The following RTN4RL1 variants were observed in gnomAD, a reference collection of about 807,000 sequenced individuals.
RTN4RL1 encodes reticulon-4 receptor-like 1.
A neutral mutation model predicts 25.6 loss-of-function variants in RTN4RL1; 7 were observed. That is an observed-to-expected ratio of 0.27 (90% CI 0.16 to 0.51). RTN4RL1 has a LOEUF of 0.51. RTN4RL1 is among the 20% of genes least tolerant of loss of function. The pLI is 0.97. For synonymous variants in RTN4RL1, 297 were observed against 288.2 expected, an observed-to-expected ratio of 1.03 and a Z score of -0.31; for missense variants, 500 against 615.6, an observed-to-expected ratio of 0.81 and a Z score of 1.99.
At chr17:1,941,511 G>A (rs1915436300) in intron 1 of RTN4RL1, among the ~76,000 whole-genome samples, 1 of 152,130 alleles carries the variant, frequency 6.6e-6, no homozygotes, top group South Asian at 2.1e-4. Flanking sequence ...GGGGCCTGGG[G>A]CGGGGGCCGG....
chr17:1,992,867 TCACC>T (rs2066915284), intron 1 of RTN4RL1, among the ~76,000 whole-genome samples: 1 of 152,220 alleles, frequency 6.6e-6, no homozygotes, highest in Admixed American at 6.5e-5. Flanking sequence ...AGTCAGCATT[TCACC>T]CTGACACATG....
chr17:1,964,205 A>C (rs773776745), intron 1 of RTN4RL1, among the ~76,000 whole-genome samples: 2 of 152,232 alleles, frequency 1.3e-5, no homozygotes, highest in Non-Finnish European at 2.9e-5. Flanking sequence ...ACTTAGTAAG[A>C]AAAAGAATAA....
chr17:1,956,539 C>T (rs965352401), intron 1 of RTN4RL1, among the ~76,000 whole-genome samples: 1 of 152,130 alleles, frequency 6.6e-6, no homozygotes, highest in Non-Finnish European at 1.5e-5. Context: ...CGGTAACAGG[C>T]ACGATGTTTA....
chr17:1,961,361 C>T (rs1915890201), intron 1 of RTN4RL1, among the ~76,000 whole-genome samples: 4 of 152,156 alleles, frequency 2.6e-5, no homozygotes, highest in Admixed American at 6.5e-5. Flanking sequence ...CAGAAGGAAC[C>T]GCATGGGCGG....
At chr17:1,981,123 A>G (rs2066865553) in intron 1 of RTN4RL1, among the ~76,000 whole-genome samples, 1 of 144,696 alleles carries the variant, frequency 6.9e-6, no homozygotes, top group South Asian at 2.2e-4. Context: ...CCTCGTGCCT[A>G]GGACATTGGC....
chr17:1,937,066 G>C lies in RTN4RL1; in HGVS notation c.756C>G (p.Leu252=), dbSNP rs746917148. ...APLGALEFLR[L]NGNPWDCGCR... The stretch of plus-strand genomic sequence containing the variant: ...AACCACAGTCCCAGGGGTTGCCGTT[G>C]AGGCGGAGGAACTCCAGGGCCCCCA... Residue 252 remains leucine (L), a synonymous_variant, in exon 2 of 2, where the codon CTC becomes CTG. Coordinates refer to ENST00000331238, the MANE Select transcript of RTN4RL1 (RefSeq NM_178568.4). 6.9e-6 allele frequency: 11 copies of C among 1,605,378 alleles called. No homozygotes were observed. Among genetic ancestry groups the C allele is most frequent in the African/African-American group, 2.7e-5 (2 of 74,802 alleles).
At chr17:1,949,127 T>G (rs1597490078) in intron 1 of RTN4RL1, among the ~76,000 whole-genome samples, 1 of 152,164 alleles carries the variant, frequency 6.6e-6, no homozygotes, top group Non-Finnish European at 1.5e-5. Flanking sequence ...TGGCTAATTT[T>G]TTTTTTTGTA....
intron 1 of RTN4RL1, among the ~76,000 whole-genome samples, chr17:1,963,273 C>T (rs899626223): frequency 1.3e-5 from 2 of 152,240 alleles, no homozygotes; most frequent in African/African-American, 4.8e-5. Context: ...AGCCCCGTGT[C>T]CTTCATTTCT....
At chr17:1,946,389 G>A (rs1197731628) in intron 1 of RTN4RL1, among the ~76,000 whole-genome samples, 3 of 152,260 alleles carry the variant, frequency 2.0e-5, no homozygotes, top group Non-Finnish European at 4.4e-5. Context: ...GCCGGCCTGG[G>A]CCCAGACTGA....
intron 1 of RTN4RL1, among the ~76,000 whole-genome samples, chr17:1,943,231 G>T (rs1915474885): frequency 6.6e-6 from 1 of 152,256 alleles, no homozygotes; most frequent in Non-Finnish European, 1.5e-5. Flanking sequence ...ACGGCACATG[G>T]CTGGCGACAG....
rs1275670455 is a variant in RTN4RL1, at chr17:1,935,745, A to G, written c.*751T>C. The G allele has an allele frequency of 1.5e-4, 40 of 260,280 alleles. 9 individuals are homozygous for G. The South Asian group carries it at 3.4e-3, about 22-fold the overall frequency. 16.1% of individuals were successfully genotyped at this position (260,280 alleles called of 1,614,324 possible). On this transcript the variant is annotated 3_prime_UTR_variant, in exon 2 of 2. Transcript: ENST00000331238. ...TATATATATATATATATATATATAT[A>G]TATATATATGTAGAGTGTGAATATA...
rs1381550060 is a variant in RTN4RL1 at position 1,998,211 on chromosome 17, G to A, written c.13+26642C>T. Among the ~76,000 whole-genome samples, 2 of 152,166 alleles carry A rather than the reference G, an allele frequency of 1.3e-5. No homozygotes were observed. The highest frequency in any genetic ancestry group is 2.9e-5 in the Non-Finnish European group (2 of 68,018). On this transcript the variant is annotated intron_variant, in intron 1 of 1. Transcript: ENST00000331238. This position sits in a 1 kb window ranked among gnomAD's most constrained non-coding sequence, Gnocchi z 4.9. ...TATGTTTTGTTTGGCCTTTGGGGGA[G>A]GGGCGGGGAGGGCTGTCGCATTGAT...
intron 1 of RTN4RL1, among the ~76,000 whole-genome samples, chr17:1,943,247 C>T (rs1188223071): frequency 3.9e-5 from 6 of 152,366 alleles, no homozygotes; most frequent in East Asian, 1.9e-4. Context: ...GACAGGGCAG[C>T]GAGCAGGCCT....
chr17:1,957,656 C>T (rs927414377), intron 1 of RTN4RL1, among the ~76,000 whole-genome samples: 4 of 151,586 alleles, frequency 2.6e-5, no homozygotes, highest in Admixed American at 6.6e-5. Flanking sequence ...GCGTGGCCAA[C>T]ATGGTGAAAC....
intron 1 of RTN4RL1, among the ~76,000 whole-genome samples, chr17:1,944,873 A>T (rs1390719410): frequency 6.6e-6 from 1 of 151,906 alleles, no homozygotes; most frequent in Non-Finnish European, 1.5e-5. Context: ...CTCTGCCCCA[A>T]CCTCGCCCCT....
Position 2,023,927 on chromosome 17 carries a change from G to C in RTN4RL1, c.13+926C>G, listed in dbSNP as rs527780710. Among the ~76,000 whole-genome samples, 21 of 116,982 alleles carry C rather than the reference G, an allele frequency of 1.8e-4. No homozygotes were observed. The South Asian group carries it at 4.6e-3, about 25-fold the overall frequency. 76.7% of individuals were successfully genotyped at this position (116,982 alleles called of 152,430 possible). On this transcript the variant is annotated intron_variant, in intron 1 of 1. Transcript: ENST00000331238. ...TCAGCCTCCTGGCCGGGCCAGGCGC[G>C]GGGGGGATCCCGGCGGGGCGCCACA...
At chr17:2,006,476 A>G (rs1181498819) in intron 1 of RTN4RL1, among the ~76,000 whole-genome samples, 2 of 151,404 alleles carry the variant, frequency 1.3e-5, no homozygotes, top group African/African-American at 2.4e-5. Flanking sequence ...TTTTTGAGAC[A>G]GGGTTTTGTT....
chr17:1,996,112 C>A (rs1030927759), intron 1 of RTN4RL1, among the ~76,000 whole-genome samples: 1 of 152,212 alleles, frequency 6.6e-6, no homozygotes, highest in East Asian at 1.9e-4. Flanking sequence ...AGGGGAGGAG[C>A]AGGAAGGCAA....
intron 1 of RTN4RL1, among the ~76,000 whole-genome samples, chr17:1,993,637 T>A (rs1370644032): frequency 1.3e-5 from 2 of 152,180 alleles, no homozygotes; most frequent in African/African-American, 4.8e-5. Context: ...AAAGCATCCG[T>A]TCCCTTCCCC....
Sources: allele counts gnomAD v4.1 joint callset (sites outside exome capture counted in the v4.1 genomes callset), GRCh38; gene constraint gnomAD v4.1.1; non-coding constraint Gnocchi (gnomAD v3.1); transcripts MANE v1.5; gene names NCBI Gene and HGNC (gene_info 2026-07-23, HGNC 2026-07-21).